Variants in FAM210A observed in about 807,000 individuals in gnomAD.
The protein encoded by FAM210A is mitochondrial inner membrane scaffold 1, also known as family with sequence similarity 210 member A.
Under a neutral mutation model 25.3 loss-of-function variants are expected in FAM210A, and 13 were observed. That is an observed-to-expected ratio of 0.51 (90% CI 0.33 to 0.82). The LOEUF is 0.82. Ranked by LOEUF, FAM210A falls within the 40% of genes least tolerant of loss-of-function variation. The pLI is 0.02. For missense variants in FAM210A, 319 were observed against 323.2 expected (o/e 0.99, Z 0.10); for synonymous variants, 125 against 118.7 (o/e 1.05, Z -0.35).
intron 1 of FAM210A, among the ~76,000 whole-genome samples, chr18:13,700,674 T>C (rs938460115): frequency 6.6e-6 from 1 of 152,246 alleles, no homozygotes; most frequent in Non-Finnish European, 1.5e-5. Flanking sequence ...AAGGCAGATT[T>C]GAAGTTCTTA....
At chr18:13,683,666 A>T (rs1414591494) in intron 1 of FAM210A, among the ~76,000 whole-genome samples, 1 of 151,428 alleles carries the variant, frequency 6.6e-6, no homozygotes, top group Non-Finnish European at 1.5e-5. Context: ...AGTAGCCATT[A>T]CCATATAGTC....
chr18:13,722,631 C>T (rs550512755), intron 1 of FAM210A, among the ~76,000 whole-genome samples: 163 of 152,224 alleles, frequency 1.1e-3, no homozygotes, highest in Non-Finnish European at 2.0e-3. Flanking sequence ...CAATCAATGC[C>T]CTCATTTTAA....
intron 1 of FAM210A, among the ~76,000 whole-genome samples, chr18:13,704,256 G>GT (rs1399056335): frequency 2.0e-5 from 3 of 152,076 alleles, no homozygotes; most frequent in Non-Finnish European, 4.4e-5. Context: ...GGGTGAAGGG[G>GT]TTTTTTAATT....
At chr18:13,725,066 C>T (rs116611306) in intron 1 of FAM210A, among the ~76,000 whole-genome samples, 2,708 of 152,238 alleles carry the variant, frequency 0.018, 31 homozygotes, top group Middle Eastern at 0.061. Context: ...CCACTGCACC[C>T]GGTGTTTAAA....
chr18:13,681,454 T>C (rs1229551592), intron 2 of FAM210A, 151 bp downstream of exon 2: 5 of 678,598 alleles, frequency 7.4e-6, no homozygotes, highest in African/African-American at 5.5e-5. Flanking sequence ...AAGCAAATGT[T>C]AGCTATTATT....
chr18:13,726,111 C>T (rs905862708), intron 1 of FAM210A, among the ~76,000 whole-genome samples: 1 of 152,194 alleles, frequency 6.6e-6, no homozygotes, highest in Admixed American at 6.5e-5. Context: ...TGGCTCGACC[C>T]GGAAGGGCGG....
chr18:13,719,229 T>TACTACTCAGCTCA (rs6146231), intron 1 of FAM210A, among the ~76,000 whole-genome samples: 2 of 151,796 alleles, frequency 1.3e-5, no homozygotes, highest in South Asian at 2.1e-4. Context: ...CAATGCAGCT[T>TACTACTCAGCTCA]AACTAGAACA....
At chr18:13,682,301 T>C (rs1875272116) in intron 1 of FAM210A, among the ~76,000 whole-genome samples, 196 bp from the exon 2 acceptor site, 1 of 152,202 alleles carries the variant, frequency 6.6e-6, no homozygotes, top group Admixed American at 6.5e-5. Context: ...GTGTGGTTAC[T>C]CATACCTGTA....
rs752482708 is a variant in FAM210A at position 13,682,041 on chromosome 18, C to G, written c.37G>C (p.Ala13Pro). Residue 13 changes from alanine (A) to proline (P), a missense_variant, in exon 2 of 4, where the codon GCA (alanine) becomes CCA (proline). Physicochemically the swap from Ala to Pro is conservative, Grantham distance 27. Coordinates refer to ENST00000651643, the MANE Select transcript of FAM210A (RefSeq NM_152352.4). ...TGTGGTTCCAAGCATGTCCTGCGTG[C>G]CAGTCGAGATACAGTCCGTGGTACA... is the stretch of plus-strand genomic sequence containing the variant. The part of the protein sequence containing the change: ...WNVPRTVSRL[A>P]RRTCLEPHNA... 1.2e-6 allele frequency: 2 copies of G among 1,610,544 alleles called. No individual in the cohort carries two copies. The highest frequency in any genetic ancestry group is 2.2e-5 in the East Asian group (1 of 44,848).
At chr18:13,672,915 GGA>G (rs1189320269) in intron 2 of FAM210A, among the ~76,000 whole-genome samples, 11 of 152,216 alleles carry the variant, frequency 7.2e-5, no homozygotes, top group Non-Finnish European at 1.6e-4. Context: ...TCTGGAGACA[GGA>G]GAGAAGGCAG....
chr18:13,677,127 T>C (rs1464541589), intron 2 of FAM210A, among the ~76,000 whole-genome samples: 1 of 150,214 alleles, frequency 6.7e-6, no homozygotes, highest in Non-Finnish European at 1.5e-5. Context: ...CAGGCTGGAG[T>C]GCAGTGGCGC....
At chr18:13,683,260 T>C (rs1459008030) in intron 1 of FAM210A, among the ~76,000 whole-genome samples, 27 of 152,234 alleles carry the variant, frequency 1.8e-4, no homozygotes, top group Non-Finnish European at 1.5e-5. Context: ...CGGACTAAGT[T>C]ATCAAGTTAT....
intron 1 of FAM210A, among the ~76,000 whole-genome samples, chr18:13,698,051 C>T (rs2043709253): frequency 6.6e-6 from 1 of 152,058 alleles, no homozygotes; most frequent in Non-Finnish European, 1.5e-5. Context: ...TCTGTAATTC[C>T]AGCTTAAGAA....
rs529431654 is a variant in FAM210A at position 13,666,690 on chromosome 18, G to A, written c.609C>T (p.Thr203=). 119 of 1,613,734 alleles carry A rather than the reference G, an allele frequency of 7.4e-5. No individual in the cohort carries two copies. Among genetic ancestry groups the A allele is most frequent in the African/African-American group, 1.6e-4 (12 of 75,014 alleles). ...TGACAGATGTTCCTCCCAAAGTCAC[G>A]GTATACCGAGCAGGTGTTGCAATCT... The part of the protein sequence containing the change: ...LFKIATPARY[T]VTLGGTSVTV... The change falls in exon 4 of 4, where the codon ACC becomes ACT. Residue 203 remains threonine, a synonymous_variant. Coordinates refer to ENST00000651643, the MANE Select transcript of FAM210A (RefSeq NM_152352.4).
intron 1 of FAM210A, chr18:13,697,499 T>C: frequency 5.8e-6 from 1 of 171,830 alleles, no homozygotes; most frequent in Non-Finnish European, 1.2e-5. Flanking sequence ...GTGCAGCCAC[T>C]TTGGAAGAGA....
intron 1 of FAM210A, among the ~76,000 whole-genome samples, chr18:13,725,497 CAAG>C (rs142856188): frequency 0.018 from 2,702 of 152,270 alleles, 29 homozygotes; most frequent in Middle Eastern, 0.061. Flanking sequence ...TGCCTACTGA[CAAG>C]AAGGAAGGCT....
chr18:13,715,168 T>C (rs1246275283), intron 1 of FAM210A: 1 of 152,130 alleles, frequency 6.6e-6, no homozygotes, highest in African/African-American at 2.4e-5. Flanking sequence ...CCACTACTGA[T>C]CAGATGAAAG....
intron 1 of FAM210A, among the ~76,000 whole-genome samples, chr18:13,708,344 C>T (rs1182361204): frequency 6.6e-6 from 1 of 152,204 alleles, no homozygotes; most frequent in Non-Finnish European, 1.5e-5. Flanking sequence ...CCTCCATGTG[C>T]TTAGCAACAT....
intron 1 of FAM210A, among the ~76,000 whole-genome samples, chr18:13,704,122 CATA>C (rs1358947380): frequency 2.0e-5 from 3 of 152,038 alleles, no homozygotes; most frequent in Admixed American, 1.3e-4. Context: ...TAAGAGTTAT[CATA>C]ATAACATGTA....
Sources: gnomAD v4.1 joint callset for allele counts (sites outside exome capture counted in the v4.1 genomes callset) on GRCh38, gnomAD v4.1.1 for gene constraint, MANE v1.5 for transcripts, NCBI Gene and HGNC (gene_info 2026-07-23, HGNC 2026-07-21) for gene names.